The following CRK variants were observed in gnomAD, a reference collection of about 807,000 sequenced individuals.
CRK encodes the protein adapter molecule crk.
A neutral mutation model predicts 29.8 loss-of-function variants in CRK; 4 were observed. That is an observed-to-expected ratio of 0.13 (90% CI 0.07 to 0.31). The LOEUF is 0.31. Ranked by LOEUF, CRK falls within the 10% of genes least tolerant of loss-of-function variation. The probability of loss-of-function intolerance (pLI) is 1.00; values close to 1 mark genes in which losing one functional copy is unlikely to be tolerated. For missense variants in CRK, 274 were observed against 396.5 expected (o/e 0.69, Z 2.62); for synonymous variants, 153 against 164.9 (o/e 0.93, Z 0.55).
chr17:1,448,251 C>T (rs1330120351), intron 1 of CRK, among the ~76,000 whole-genome samples: 1 of 152,088 alleles, frequency 6.6e-6, no homozygotes, highest in African/African-American at 2.4e-5. Context: ...TTCTAGCTGT[C>T]TGAGTTACCT....
intron 1 of CRK, among the ~76,000 whole-genome samples, chr17:1,451,582 G>A (rs981670480): frequency 2.6e-5 from 4 of 152,044 alleles, no homozygotes; most frequent in Non-Finnish European, 4.4e-5. Context: ...GGCTGGATGC[G>A]GCTGTATGTG....
At chr17:1,453,132 C>T (rs891469009) in intron 1 of CRK, among the ~76,000 whole-genome samples, 5 of 152,058 alleles carry the variant, frequency 3.3e-5, no homozygotes, top group Admixed American at 6.6e-5. Context: ...GCAACTGAAT[C>T]GTAGAAAATG....
chr17:1,433,151 G>C (rs565871513), intron 2 of CRK, among the ~76,000 whole-genome samples: 1 of 152,180 alleles, frequency 6.6e-6, no homozygotes, highest in African/African-American at 2.4e-5. Context: ...TGATCAATGC[G>C]TTCCAGAGAT....
At chr17:1,444,339 C>G (rs1281850728) in intron 1 of CRK, among the ~76,000 whole-genome samples, 2 of 152,064 alleles carry the variant, frequency 1.3e-5, no homozygotes, top group Non-Finnish European at 2.9e-5. Context: ...AACATCCTGG[C>G]TAACACACAG....
Position 1,421,384 on chromosome 17 carries a change from G to A in CRK, c.*2129C>T, listed in dbSNP as rs1184520301. On this transcript the variant is annotated 3_prime_UTR_variant, in exon 3 of 3. Coordinates refer to ENST00000300574, the MANE Select transcript of CRK (RefSeq NM_016823.4). ...CTTTCAGGAAAACAAGATTTAATGT[G>A]TGTGTGGACTTTACAGTATCTACGT... 1 of 152,218 alleles carries A rather than the reference G, an allele frequency of 6.6e-6. No homozygotes were observed. The highest frequency in any genetic ancestry group is 6.5e-5 in the Admixed American group (1 of 15,270). 9.4% of individuals were successfully genotyped at this position (152,218 alleles called of 1,614,324 possible). A position where few individuals can be genotyped will look rare whatever the true frequency, so the allele number is the denominator to read the frequency against.
chr17:1,430,366 T>A (rs1341876925), intron 2 of CRK, among the ~76,000 whole-genome samples: 1 of 144,248 alleles, frequency 6.9e-6, no homozygotes, highest in Admixed American at 6.9e-5. Context: ...ATTATTAGTA[T>A]TATTTTTTGA....
intron 2 of CRK, among the ~76,000 whole-genome samples, chr17:1,425,190 C>T (rs185264073): frequency 0.01 from 1,582 of 151,568 alleles, 27 homozygotes; most frequent in African/African-American, 0.036. Flanking sequence ...CCCGGGTTCA[C>T]GCCATTCTCC....
chr17:1,436,523 T>A, intron 2 of CRK, 97 bp downstream of exon 2: 2 of 1,341,400 alleles, frequency 1.5e-6, no homozygotes, highest in East Asian at 4.9e-5. Flanking sequence ...ATCTACAACA[T>A]CCCAATGCTG....
At chr17:1,455,411 A>G (rs2074048234) in intron 1 of CRK, among the ~76,000 whole-genome samples, 1 of 152,190 alleles carries the variant, frequency 6.6e-6, no homozygotes, top group Non-Finnish European at 1.5e-5. Context: ...ACTTCCTACC[A>G]AAGGCCACCA....
intron 2 of CRK, among the ~76,000 whole-genome samples, chr17:1,434,274 T>C (rs576176244): frequency 1.3e-5 from 2 of 152,104 alleles, no homozygotes; most frequent in East Asian, 3.9e-4. Context: ...CTGGCATGGG[T>C]AGTATTGGTG....
At position 1,437,054 on chromosome 17, in the gene CRK, T is replaced by C. The variant is rs905572417; in HGVS notation, c.343A>G (p.Ile115Val). The C allele has an allele frequency of 5.6e-6, 9 of 1,614,176 alleles. No individual in the cohort carries two copies. The highest frequency in any genetic ancestry group is 1.1e-5 in the South Asian group (1 of 91,076). The change falls in exon 2 of 3, where the codon ATA becomes GTA. Residue 115 changes from isoleucine to valine, a missense_variant. Coordinates refer to ENST00000300574, the MANE Select transcript of CRK (RefSeq NM_016823.4). Reference sequence around the variant, plus strand: ...TGCCTGGATCTGGAAACTGGTTCTATCAACGTTGTAGTGTCCAAATAGTGT... The same window carrying C: ...TGCCTGGATCTGGAAACTGGTTCTACCAACGTTGTAGTGTCCAAATAGTGT... The part of the protein sequence containing the change: ...KIHYLDTTTL[I>V]EPVSRSRQGS...
intron 1 of CRK, among the ~76,000 whole-genome samples, chr17:1,448,072 G>A (rs1386111543): frequency 6.6e-6 from 1 of 152,060 alleles, no homozygotes. Context: ...AACCCGGGAG[G>A]CGGAACTTGC....
At chr17:1,440,376 T>C (rs2073925111) in intron 1 of CRK, among the ~76,000 whole-genome samples, 1 of 150,358 alleles carries the variant, frequency 6.7e-6, no homozygotes, top group South Asian at 2.1e-4. Context: ...AGGTGAGAGA[T>C]CGCTTGAGCC....
Position 1,427,126 on chromosome 17 carries a change from G to GAAAA in CRK, c.778-3480_778-3477dup, listed in dbSNP as rs764041078. Among the ~76,000 whole-genome samples, 494 of 105,970 alleles carry GAAAA rather than the reference G, an allele frequency of 4.7e-3. 6 individuals are homozygous for GAAAA. Among genetic ancestry groups the GAAAA allele is most frequent in the African/African-American group, 0.016 (459 of 29,240 alleles). The allele number at this position is 105,970 out of a possible 152,430, so 69.5% of individuals were successfully genotyped here. A position where few individuals can be genotyped will look rare whatever the true frequency, so the allele number is the denominator to read the frequency against. On this transcript the variant is annotated intron_variant, in intron 2 of 2. Coordinates refer to ENST00000300574, the MANE Select transcript of CRK (RefSeq NM_016823.4). ...CAACAATAGCAAGACTGTGTCTCTT[G>GAAAA]AAAAAAAAAAAAAAATTAGTAAGGT...
chr17:1,433,521 T>A (rs1238302734), intron 2 of CRK, among the ~76,000 whole-genome samples: 2 of 142,216 alleles, frequency 1.4e-5, no homozygotes, highest in Non-Finnish European at 3.1e-5. Context: ...TTTTTTTTTT[T>A]TTTTTTTTTT....
At chr17:1,427,710 A>C (rs1043256054) in intron 2 of CRK, among the ~76,000 whole-genome samples, 2 of 151,194 alleles carry the variant, frequency 1.3e-5, no homozygotes, top group African/African-American at 4.9e-5. Flanking sequence ...GCTCACTGCA[A>C]CCTCCACCTG....
chr17:1,456,144 G>T lies in CRK; in HGVS notation c.-27C>A. The T allele has an allele frequency of 6.8e-7, 1 of 1,465,244 alleles. No homozygotes were observed. The highest frequency in any genetic ancestry group is 9.0e-7 in the Non-Finnish European group (1 of 1,109,054). 90.8% of individuals were successfully genotyped at this position (1,465,244 alleles called of 1,614,324 possible). A position where few individuals can be genotyped will look rare whatever the true frequency, so the allele number is the denominator to read the frequency against. ...GCTGCCTCCGCGCCTAAACGCTGGG[G>T]TGCCGCCGCCGCGCGCGCCCCTCCG... On this transcript the variant is annotated 5_prime_UTR_variant, in exon 1 of 3. Transcript: ENST00000300574.
chr17:1,427,541 C>T (rs892727428), intron 2 of CRK, among the ~76,000 whole-genome samples: 8 of 151,750 alleles, frequency 5.3e-5, no homozygotes, highest in South Asian at 2.1e-4. Flanking sequence ...TGCAGTGAGC[C>T]GAGATCACGC....
At chr17:1,425,183 G>A (rs906997362) in intron 2 of CRK, among the ~76,000 whole-genome samples, 9 of 151,516 alleles carry the variant, frequency 5.9e-5, no homozygotes, top group African/African-American at 9.7e-5. Context: ...TCTGCCTCCC[G>A]GGTTCACGCC....
Sources: allele counts gnomAD v4.1 joint callset (sites outside exome capture counted in the v4.1 genomes callset), GRCh38; gene constraint gnomAD v4.1.1; transcripts MANE v1.5; gene names NCBI Gene and HGNC (gene_info 2026-07-23, HGNC 2026-07-21).